Variants in DLGAP1 observed in about 807,000 individuals in gnomAD.
DLGAP1 encodes the protein DLG associated protein 1, also known as disks large-associated protein 1.
Under a neutral mutation model 90.8 loss-of-function variants are expected in DLGAP1, and 11 were observed. The observed-to-expected ratio is 0.12, with a 90% CI of 0.08 to 0.20. The LOEUF (loss-of-function observed/expected upper bound fraction) is 0.20. Ranked by LOEUF, DLGAP1 falls within the 10% of genes least tolerant of loss-of-function variation. The pLI is 1.00. For synonymous variants in DLGAP1, 558 were observed against 540.7 expected (o/e 1.03, Z -0.44); for missense variants, 1,050 against 1,333.8 (o/e 0.79, Z 3.31).
At position 3,674,693 on chromosome 18, in the gene DLGAP1, C is replaced by T. The variant is rs141401703; in HGVS notation, c.1591+54442G>A. On this transcript the variant is annotated intron_variant, in intron 7 of 12. Coordinates refer to ENST00000315677, the MANE Select transcript of DLGAP1 (RefSeq NM_004746.4). ...CACCCCACTACCTCTACTATAATCACTTCCACCCCTACTATCACCACCCCA... is the reference window on the plus strand; with the variant it reads ...CACCCCACTACCTCTACTATAATCATTTCCACCCCTACTATCACCACCCCA... 1.9e-3 allele frequency among the ~76,000 whole-genome samples: 289 copies of T among 152,164 alleles called. 1 individual carries two copies. Among genetic ancestry groups the T allele is most frequent in the Middle Eastern group, 0.014 (4 of 294 alleles).
intron 7 of DLGAP1, among the ~76,000 whole-genome samples, chr18:3,676,139 A>G (rs1391692555): frequency 6.6e-6 from 1 of 152,224 alleles, no homozygotes; most frequent in Non-Finnish European, 1.5e-5. Flanking sequence ...CATGTTCAAA[A>G]TGGCAGTCCC....
chr18:3,543,327 C>T (rs747124231), intron 9 of DLGAP1, among the ~76,000 whole-genome samples: 13 of 152,118 alleles, frequency 8.5e-5, no homozygotes, highest in Non-Finnish European at 1.6e-4. Context: ...CCCACCACCA[C>T]GCCTGGCTAT....
intron 1 of DLGAP1, among the ~76,000 whole-genome samples, chr18:4,334,007 G>C (rs2081012908): frequency 1.3e-5 from 2 of 151,528 alleles, no homozygotes; most frequent in African/African-American, 4.9e-5. Context: ...GGGAGGCTAG[G>C]GCAGGTGGAT....
At chr18:4,379,914 A>G (rs1253910758) in intron 1 of DLGAP1, among the ~76,000 whole-genome samples, 4 of 152,214 alleles carry the variant, frequency 2.6e-5, no homozygotes, top group African/African-American at 9.6e-5. Context: ...AATTTAAGCC[A>G]ATTTTGAAAA....
intron 1 of DLGAP1, among the ~76,000 whole-genome samples, chr18:4,219,476 T>G (rs2078031951): frequency 6.6e-6 from 1 of 152,150 alleles, no homozygotes; most frequent in South Asian, 2.1e-4. Context: ...AGCTCTTTAG[T>G]TTGATGTAAT....
In DLGAP1 at chr18:3,727,190, C is replaced by A. The variant is rs539977767; in HGVS notation, c.1591+1945G>T. Among the ~76,000 whole-genome samples the A allele has an allele frequency of 1.1e-3, 163 of 152,280 alleles. 2 individuals carry two copies. Among genetic ancestry groups the A allele is most frequent in the African/African-American group, 3.8e-3 (158 of 41,562 alleles). Reference sequence around the variant, plus strand: ...CTGAAATTGAAATTTAACTGGACGACCTGGATTTTATTTGGCAACTCTATT... The same window carrying A: ...CTGAAATTGAAATTTAACTGGACGAACTGGATTTTATTTGGCAACTCTATT... On this transcript the variant is annotated intron_variant, in intron 7 of 12. Transcript: ENST00000315677. The surrounding 1 kb of genome is among the most constrained non-coding windows in gnomAD (Gnocchi z 4.7).
chr18:4,409,746 C>T (rs1451874409), intron 1 of DLGAP1, among the ~76,000 whole-genome samples: 2 of 151,924 alleles, frequency 1.3e-5, no homozygotes, highest in Admixed American at 6.6e-5. Context: ...TGTTCTTAGC[C>T]CAGTTTTTGA....
intron 1 of DLGAP1, among the ~76,000 whole-genome samples, chr18:4,285,046 A>G (rs2079652404): frequency 1.2e-5 from 1 of 80,958 alleles, no homozygotes; most frequent in African/African-American, 3.1e-5. Context: ...TTTTTTTACA[A>G]AAATAATGAT....
chr18:3,870,850 T>C (rs2070709040), intron 4 of DLGAP1, among the ~76,000 whole-genome samples: 2 of 152,208 alleles, frequency 1.3e-5, no homozygotes, highest in Admixed American at 6.5e-5. Flanking sequence ...CATCCTCCTT[T>C]GCTACGTGGT....
chr18:3,914,708 A>C (rs1018838559), intron 3 of DLGAP1, among the ~76,000 whole-genome samples: 6 of 152,050 alleles, frequency 3.9e-5, no homozygotes, highest in Non-Finnish European at 7.4e-5. Context: ...CCTTTTCTCT[A>C]CACCCTTGCC....
At chr18:3,562,095 CG>C (rs1599252579) in intron 9 of DLGAP1, among the ~76,000 whole-genome samples, 1 of 151,842 alleles carries the variant, frequency 6.6e-6, no homozygotes, top group East Asian at 1.9e-4. Context: ...GGCGTGGTGG[CG>C]GGCACCTGTA....
chr18:4,174,423 C>G (rs975145038), intron 1 of DLGAP1, among the ~76,000 whole-genome samples: 1 of 152,046 alleles, frequency 6.6e-6, no homozygotes, highest in Non-Finnish European at 1.5e-5. Flanking sequence ...CAACCTCCGC[C>G]CCCCGGGTTC....
At chr18:4,125,688 T>C (rs2076222004) in intron 2 of DLGAP1, among the ~76,000 whole-genome samples, 1 of 152,134 alleles carries the variant, frequency 6.6e-6, no homozygotes, top group South Asian at 2.1e-4. Flanking sequence ...AGGTGTGTAT[T>C]AGGACAAAGG....
chr18:3,556,506 A>C (rs1425242900), intron 9 of DLGAP1, among the ~76,000 whole-genome samples: 1 of 152,168 alleles, frequency 6.6e-6, no homozygotes. Flanking sequence ...GGAATCATAC[A>C]GTATATAGAT....
chr18:4,450,189 T>G (rs1399832723), intron 1 of DLGAP1, among the ~76,000 whole-genome samples: 1 of 152,194 alleles, frequency 6.6e-6, no homozygotes, highest in African/African-American at 2.4e-5. Flanking sequence ...AACTGCAGCA[T>G]GTGTTTTGTA....
intron 4 of DLGAP1, among the ~76,000 whole-genome samples, chr18:3,864,829 A>G (rs1158300541): frequency 1.3e-5 from 2 of 152,198 alleles, no homozygotes; most frequent in African/African-American, 4.8e-5. Context: ...CTTGGATAGT[A>G]TATGACTCAC....
intron 2 of DLGAP1, among the ~76,000 whole-genome samples, chr18:4,027,374 T>G (rs1206420745): frequency 6.6e-6 from 1 of 151,182 alleles, no homozygotes; most frequent in African/African-American, 2.4e-5. Context: ...GGCATGGTGG[T>G]GCATGCTTGT....
intron 1 of DLGAP1, among the ~76,000 whole-genome samples, chr18:4,297,862 G>A (rs1018090420): frequency 2.6e-5 from 4 of 152,086 alleles, no homozygotes; most frequent in African/African-American, 7.2e-5. Flanking sequence ...TAATTTGGGG[G>A]TTCCTCTCCC....
chr18:3,600,977 T>TATAG (rs1240869044), intron 7 of DLGAP1, among the ~76,000 whole-genome samples: 1 of 109,952 alleles, frequency 9.1e-6, no homozygotes, highest in African/African-American at 3.6e-5. Context: ...TAGATAGATA[T>TATAG]ATAGATATAG....
Sources: gnomAD v4.1 joint callset for allele counts (sites outside exome capture counted in the v4.1 genomes callset) on GRCh38, gnomAD v4.1.1 for gene constraint, Gnocchi (gnomAD v3.1) non-coding constraint, MANE v1.5 for transcripts, NCBI Gene and HGNC (gene_info 2026-07-23, HGNC 2026-07-21) for gene names.